The following HPSE2 variants were observed in gnomAD, a reference collection of about 807,000 sequenced individuals.
HPSE2 encodes the protein heparanase 2 (inactive).
Under a neutral mutation model 60.5 loss-of-function variants are expected in HPSE2, and 38 were observed. The observed-to-expected ratio is 0.63, with a 90% CI of 0.48 to 0.82. HPSE2 has a LOEUF of 0.82. HPSE2 is among the 40% of genes least tolerant of loss of function. The probability of loss-of-function intolerance (pLI) is 0.00; values close to 1 mark genes in which losing one functional copy is unlikely to be tolerated. For synonymous variants in HPSE2, 295 were observed against 293.2 expected (o/e 1.01, Z -0.06); for missense variants, 713 against 740.4 (o/e 0.96, Z 0.43).
At chr10:98,707,508 C>T (rs1589680055) in intron 5 of HPSE2, among the ~76,000 whole-genome samples, 2 of 151,976 alleles carry the variant, frequency 1.3e-5, no homozygotes, top group African/African-American at 2.4e-5. Flanking sequence ...ATATAATGTT[C>T]TATTAACTAA....
intron 3 of HPSE2, among the ~76,000 whole-genome samples, chr10:99,024,317 C>T (rs892627490): frequency 6.6e-6 from 1 of 152,018 alleles, no homozygotes; most frequent in African/African-American, 2.4e-5. Context: ...GAATAAAAAA[C>T]AATGAAGCAC....
At chr10:98,864,760 T>G (rs1952547380) in intron 3 of HPSE2, among the ~76,000 whole-genome samples, 1 of 152,186 alleles carries the variant, frequency 6.6e-6, no homozygotes. Context: ...TTCTTTGACA[T>G]TCATTGTCTG....
chr10:98,501,008 C>T (rs1056480021), intron 9 of HPSE2, among the ~76,000 whole-genome samples: 2 of 152,000 alleles, frequency 1.3e-5, no homozygotes, highest in African/African-American at 4.8e-5. Flanking sequence ...GAATTTGATA[C>T]CCTGAAGAGA....
intron 2 of HPSE2, among the ~76,000 whole-genome samples, chr10:99,177,410 A>T (rs1390837892): frequency 6.6e-6 from 1 of 152,200 alleles, no homozygotes; most frequent in Non-Finnish European, 1.5e-5. Context: ...GACTCAAAAT[A>T]AATGGATGGA....
rs145445479 is a variant in HPSE2 at position 98,639,366 on chromosome 10, A to C, written c.1098+2481T>G. 2.8e-3 allele frequency among the ~76,000 whole-genome samples: 421 copies of C among 152,312 alleles called. 1 individual carries two copies. The highest frequency in any genetic ancestry group is 5.0e-3 in the Non-Finnish European group (343 of 68,020). On this transcript the variant is annotated intron_variant, in intron 7 of 11. Transcript: ENST00000370552. ...GTTTTGGGGTAATTTGTTGCACAGC[A>C]AGAGATAATCAGAATAGGAGCCCTG... is the stretch of plus-strand genomic sequence containing the variant.
At chr10:99,117,812 A>G (rs2135701528) in intron 3 of HPSE2, among the ~76,000 whole-genome samples, 1 of 152,326 alleles carries the variant, frequency 6.6e-6, no homozygotes, top group Non-Finnish European at 1.5e-5. Context: ...TACTGTTCCT[A>G]CTGAAACTAT....
intron 3 of HPSE2, among the ~76,000 whole-genome samples, chr10:99,059,672 T>C (rs1310247386): frequency 6.6e-6 from 1 of 152,094 alleles, no homozygotes; most frequent in African/African-American, 2.4e-5. Context: ...CAAATGCATG[T>C]CATTTTCAAA....
chr10:98,806,962 T>G (rs764172859), intron 3 of HPSE2, among the ~76,000 whole-genome samples: 3 of 151,928 alleles, frequency 2.0e-5, no homozygotes, highest in Non-Finnish European at 4.4e-5. Flanking sequence ...GCCAACATGG[T>G]GAAACCCCAT....
At chr10:98,789,910 C>T (rs574025806) in intron 3 of HPSE2, among the ~76,000 whole-genome samples, 3 of 152,204 alleles carry the variant, frequency 2.0e-5, no homozygotes, top group African/African-American at 7.2e-5. Flanking sequence ...ATAGTTGAAT[C>T]ACAATTATGC....
intron 2 of HPSE2, among the ~76,000 whole-genome samples, chr10:99,186,131 C>T (rs868180747): frequency 9.4e-5 from 14 of 149,520 alleles, no homozygotes; most frequent in Middle Eastern, 3.4e-3. Context: ...CACACACACA[C>T]ACACACACAC....
chr10:98,684,443 C>T (rs1282042682), intron 6 of HPSE2, among the ~76,000 whole-genome samples: 1 of 151,934 alleles, frequency 6.6e-6, no homozygotes, highest in Non-Finnish European at 1.5e-5. Flanking sequence ...ATAAATAACT[C>T]CAGGGTAAAC....
In HPSE2 at chr10:98,482,746, G is replaced by A; in HGVS notation, c.1503C>T (p.Ile501=). The A allele has an allele frequency of 1.2e-6, 2 of 1,614,160 alleles. No homozygotes were observed. The highest frequency in any genetic ancestry group is 1.7e-6 in the Non-Finnish European group (2 of 1,180,018). Residue 501 remains isoleucine, a synonymous_variant, in exon 11 of 12, where the codon ATC becomes ATT. Transcript: ENST00000370552. ...TCTTTCTTGATCGATGCAAGTTGATGATAAAAAGTGTAATGGACCCACGAA... is the reference window on the plus strand; with the variant it reads ...TCTTTCTTGATCGATGCAAGTTGATAATAAAAAGTGTAATGGACCCACGAA... ...NYVRGSITLF[I]INLHRSRKKI...
intron 9 of HPSE2, among the ~76,000 whole-genome samples, chr10:98,543,192 G>T (rs1444571116): frequency 6.6e-6 from 1 of 152,136 alleles, no homozygotes; most frequent in Non-Finnish European, 1.5e-5. Context: ...TTAAAGAAAA[G>T]AATTTTCAAT....
chr10:99,215,185 A>G (rs189069195), intron 2 of HPSE2, among the ~76,000 whole-genome samples: 1 of 152,338 alleles, frequency 6.6e-6, no homozygotes, highest in African/African-American at 2.4e-5. Context: ...AATAGAAAAG[A>G]CATGGAACCA....
At chr10:99,147,447 T>C (rs1846097164) in intron 2 of HPSE2, among the ~76,000 whole-genome samples, 1 of 152,158 alleles carries the variant, frequency 6.6e-6, no homozygotes, top group South Asian at 2.1e-4. Context: ...CTGACACAAG[T>C]CTAATTTGAA....
intron 3 of HPSE2, among the ~76,000 whole-genome samples, chr10:98,941,367 T>A (rs1288006574): frequency 3.2e-5 from 4 of 125,960 alleles, no homozygotes; most frequent in Non-Finnish European, 6.6e-5. Context: ...CTTAAGCTGA[T>A]AAGCAACTTC....
At chr10:99,257,008 G>A in the HPSE2 span, among the ~76,000 whole-genome samples, 73 of 152,178 alleles carry the variant, frequency 4.8e-4, no homozygotes, top group African/African-American at 6.0e-4. Context: ...AATTTCTTAC[G>A]CCTGTCTTTA....
chr10:99,275,938 T>C, the HPSE2 span, among the ~76,000 whole-genome samples: 1 of 152,156 alleles, frequency 6.6e-6, no homozygotes, highest in African/African-American at 2.4e-5. Context: ...GCAATCCTGG[T>C]AATGTTAATG....
the HPSE2 span, among the ~76,000 whole-genome samples, chr10:99,305,979 G>GCACGCACACACACACACACACA: frequency 1.2e-4 from 10 of 80,582 alleles, no homozygotes; most frequent in African/African-American, 4.9e-4. Flanking sequence ...GCGCGCGCGC[G>GCACGCACACACACACACACACA]CACACACACA....
Sources: allele counts gnomAD v4.1 joint callset (sites outside exome capture counted in the v4.1 genomes callset), GRCh38; gene constraint gnomAD v4.1.1; transcripts MANE v1.5; gene names NCBI Gene and HGNC (gene_info 2026-07-23, HGNC 2026-07-21).